The following TAS2R1 variants were observed in gnomAD, a reference collection of about 807,000 sequenced individuals.
TAS2R1 encodes taste 2 receptor member 1.
For missense variants in TAS2R1, 370 were observed against 353.4 expected, an observed-to-expected ratio of 1.05 and a Z score of -0.38; for synonymous variants, 141 against 134.2, an observed-to-expected ratio of 1.05 and a Z score of -0.35.
chr5:9,778,474 G>A, the TAS2R1 span, among the ~76,000 whole-genome samples: 1 of 152,194 alleles, frequency 6.6e-6, no homozygotes, highest in South Asian at 2.1e-4. Flanking sequence ...TTGAAGCCAG[G>A]AATTGTCTTC....
chr5:9,741,736 C>T, the TAS2R1 span, among the ~76,000 whole-genome samples: 1 of 152,152 alleles, frequency 6.6e-6, no homozygotes, highest in Non-Finnish European at 1.5e-5. Context: ...CCCAGGTGAC[C>T]GGGACACAGT....
the TAS2R1 span, among the ~76,000 whole-genome samples, chr5:9,860,428 T>C: frequency 6.6e-6 from 1 of 152,226 alleles, no homozygotes; most frequent in African/African-American, 2.4e-5. Flanking sequence ...CTCTCCAGAC[T>C]CTGAGTACAT....
At chr5:9,648,490 A>C (rs1740240804) in intron 2 of TAS2R1, among the ~76,000 whole-genome samples, 1 of 152,014 alleles carries the variant, frequency 6.6e-6, no homozygotes, top group Admixed American at 6.6e-5. Flanking sequence ...CACTGAGTCA[A>C]GGTCTCTGAA....
chr5:9,766,449 A>G, the TAS2R1 span, among the ~76,000 whole-genome samples: 3 of 152,248 alleles, frequency 2.0e-5, no homozygotes, highest in African/African-American at 7.2e-5. Context: ...GGTAGCAGGC[A>G]GAGTGATCAA....
chr5:9,833,115 G>A, the TAS2R1 span, among the ~76,000 whole-genome samples: 2 of 152,222 alleles, frequency 1.3e-5, no homozygotes, highest in Non-Finnish European at 2.9e-5. Context: ...GTCTGGCTCA[G>A]TGAATCTGCA....
the TAS2R1 span, among the ~76,000 whole-genome samples, chr5:9,887,258 C>T: frequency 1.3e-5 from 2 of 152,086 alleles, no homozygotes; most frequent in Non-Finnish European, 2.9e-5. Context: ...ATCTATTCAC[C>T]AACTGGTATG....
chr5:9,675,446 C>G (rs1387768870), intron 1 of TAS2R1, among the ~76,000 whole-genome samples: 1 of 128,276 alleles, frequency 7.8e-6, no homozygotes, highest in Non-Finnish European at 1.6e-5. Flanking sequence ...GAGATGGAGT[C>G]TTGCTTTGTT....
At chr5:9,883,578 CAA>C in the TAS2R1 span, among the ~76,000 whole-genome samples, 1 of 152,050 alleles carries the variant, frequency 6.6e-6, no homozygotes, top group Admixed American at 6.5e-5. Context: ...AAAGGTAAGA[CAA>C]AGATTCTCAG....
chr5:9,728,050 C>G, the TAS2R1 span, among the ~76,000 whole-genome samples: 2 of 152,164 alleles, frequency 1.3e-5, no homozygotes, highest in Non-Finnish European at 2.9e-5. Flanking sequence ...AGTCTGAACT[C>G]TGAAGGGACA....
chr5:9,775,916 G>A, the TAS2R1 span, among the ~76,000 whole-genome samples: 1 of 152,216 alleles, frequency 6.6e-6, no homozygotes, highest in Non-Finnish European at 1.5e-5. Flanking sequence ...CTGGAGTTGG[G>A]GTAGGGAGGG....
the TAS2R1 span, among the ~76,000 whole-genome samples, chr5:9,744,228 C>T: frequency 9.2e-5 from 14 of 152,154 alleles, no homozygotes; most frequent in African/African-American, 3.1e-4. Context: ...TAAATTATGG[C>T]AATCAAACTC....
chr5:9,785,271 C>T, the TAS2R1 span, among the ~76,000 whole-genome samples: 1 of 152,150 alleles, frequency 6.6e-6, no homozygotes, highest in Non-Finnish European at 1.5e-5. Flanking sequence ...TGTAAATATG[C>T]ATCTTCAGGG....
chr5:9,667,966 A>G (rs1217894283), intron 1 of TAS2R1, among the ~76,000 whole-genome samples: 1 of 152,226 alleles, frequency 6.6e-6, no homozygotes, highest in Non-Finnish European at 1.5e-5. Context: ...GGATAAGAAC[A>G]AAGATCATTG....
chr5:9,824,860 G>T, the TAS2R1 span, among the ~76,000 whole-genome samples: 8 of 130,050 alleles, frequency 6.2e-5, no homozygotes, highest in Non-Finnish European at 1.3e-4. Flanking sequence ...AAAAAAAAAG[G>T]CAGGGGGGAA....
the TAS2R1 span, chr5:9,889,713 G>C: frequency 6.6e-6 from 1 of 152,246 alleles, no homozygotes; most frequent in African/African-American, 2.4e-5. Context: ...AGAGGTCATG[G>C]AGCCTCACAG....
intron 2 of TAS2R1, among the ~76,000 whole-genome samples, chr5:9,642,184 T>C (rs1237258029): frequency 6.6e-6 from 1 of 152,184 alleles, no homozygotes; most frequent in African/African-American, 2.4e-5. Flanking sequence ...AAGGCTGTAA[T>C]GTTCATCTTT....
chr5:9,751,647 TA>T, the TAS2R1 span, among the ~76,000 whole-genome samples: 7 of 152,200 alleles, frequency 4.6e-5, no homozygotes, highest in Non-Finnish European at 1.5e-5. Flanking sequence ...TGACTCTATA[TA>T]AAGTAAGAGG....
At chr5:9,704,264 A>C (rs1016996072) in intron 1 of TAS2R1, among the ~76,000 whole-genome samples, 1 of 151,980 alleles carries the variant, frequency 6.6e-6, no homozygotes, top group African/African-American at 2.4e-5. Context: ...TTTCTGCATT[A>C]CCATTTCTTC....
At chr5:9,889,501 T>G in the TAS2R1 span, 4 of 152,322 alleles carry the variant, frequency 2.6e-5, no homozygotes, top group Admixed American at 2.6e-4. Context: ...CCATTTTGAG[T>G]TAAGCTGTTG....
Sources: allele counts gnomAD v4.1 joint callset (sites outside exome capture counted in the v4.1 genomes callset), GRCh38; gene constraint gnomAD v4.1.1; transcripts MANE v1.5; gene names NCBI Gene and HGNC (gene_info 2026-07-23, HGNC 2026-07-21).